The following CTNNA3 variants were observed in gnomAD, a reference collection of about 807,000 sequenced individuals.
CTNNA3 encodes catenin alpha 3, also known as catenin alpha-3.
CTNNA3 carries 76 observed loss-of-function variants against 95.7 expected under a neutral mutation model. That is an observed-to-expected ratio of 0.79 (90% CI 0.66 to 0.96). CTNNA3 has a LOEUF of 0.96. Among genes scored for constraint, CTNNA3 ranks in the 40% least tolerant of loss-of-function variants. The pLI is 0.00. For synonymous variants in CTNNA3, 431 were observed against 374.4 expected, an observed-to-expected ratio of 1.15 and a Z score of -1.74; for missense variants, 1,191 against 1,089.8, an observed-to-expected ratio of 1.09 and a Z score of -1.31.
At chr10:67,561,223 A>G (rs533123510) in intron 3 of CTNNA3, among the ~76,000 whole-genome samples, 1 of 140,732 alleles carries the variant, frequency 7.1e-6, no homozygotes, top group East Asian at 2.2e-4. Flanking sequence ...TACAAAATTG[A>G]CAACATAGTT....
chr10:66,955,430 C>T (rs1253234302), intron 7 of CTNNA3, among the ~76,000 whole-genome samples: 1 of 152,120 alleles, frequency 6.6e-6, no homozygotes, highest in African/African-American at 2.4e-5. Flanking sequence ...AAAATACATT[C>T]CAAATGACAA....
intron 7 of CTNNA3, among the ~76,000 whole-genome samples, chr10:67,119,423 C>A (rs1346024947): frequency 6.6e-6 from 1 of 151,816 alleles, no homozygotes; most frequent in Non-Finnish European, 1.5e-5. Flanking sequence ...CACACAAAAA[C>A]TCATTAATTA....
intron 7 of CTNNA3, among the ~76,000 whole-genome samples, chr10:66,948,211 C>T (rs544745183): frequency 6.6e-6 from 1 of 152,246 alleles, no homozygotes; most frequent in African/African-American, 2.4e-5. Flanking sequence ...TCAAATTATG[C>T]CCACTTGGTG....
At chr10:66,793,538 A>G (rs1418684791) in intron 7 of CTNNA3, among the ~76,000 whole-genome samples, 1 of 152,110 alleles carries the variant, frequency 6.6e-6, no homozygotes, top group East Asian at 1.9e-4. Context: ...TCCAGTATCT[A>G]TTATACACCA....
intron 5 of CTNNA3, among the ~76,000 whole-genome samples, chr10:67,456,601 A>C (rs1847181146): frequency 2.0e-5 from 3 of 152,208 alleles, no homozygotes; most frequent in Admixed American, 2.0e-4. Flanking sequence ...TTTAGGGTTC[A>C]AATGGTAATA....
chr10:66,360,521 A>AT (rs934070383), intron 12 of CTNNA3, among the ~76,000 whole-genome samples: 8 of 152,148 alleles, frequency 5.3e-5, no homozygotes, highest in African/African-American at 1.9e-4. Context: ...ATTATGCTGA[A>AT]TTTTTTGGAC....
intron 11 of CTNNA3, among the ~76,000 whole-genome samples, chr10:66,443,422 G>A (rs1204255452): frequency 1.3e-5 from 2 of 152,076 alleles, no homozygotes; most frequent in South Asian, 2.1e-4. Context: ...GGGGCAGACT[G>A]ACACCTCACA....
chr10:67,229,539 C>T (rs1339671895), intron 5 of CTNNA3, among the ~76,000 whole-genome samples: 1 of 152,190 alleles, frequency 6.6e-6, no homozygotes, highest in Admixed American at 6.5e-5. Flanking sequence ...TCACTATTTA[C>T]TGATGATATG....
At chr10:66,147,607 AGTT>A (rs1441600047) in intron 13 of CTNNA3, among the ~76,000 whole-genome samples, 6 of 96,144 alleles carry the variant, frequency 6.2e-5, no homozygotes, top group African/African-American at 2.1e-4. Flanking sequence ...GGTTGCTTTC[AGTT>A]TTTTTTTTTT....
chr10:66,681,130 A>G (rs1198195362), intron 9 of CTNNA3, among the ~76,000 whole-genome samples: 2 of 152,314 alleles, frequency 1.3e-5, no homozygotes, highest in East Asian at 1.9e-4. Flanking sequence ...TGACTGATGT[A>G]TCGGATGTGA....
At chr10:66,763,345 G>C (rs1445862164) in intron 9 of CTNNA3, among the ~76,000 whole-genome samples, 47 of 149,356 alleles carry the variant, frequency 3.1e-4, no homozygotes, top group Non-Finnish European at 5.4e-4. Context: ...CACACACAGA[G>C]AGAGAGAGGG....
rs150766891 is a variant in CTNNA3 at position 66,564,813 on chromosome 10, G to A, written c.1375-44040C>T. ...GGCAATTTATGGATGCTAATTATTC[G>A]ACGTTTACAATAAATTAGTGGGGGA... On this transcript the variant is annotated intron_variant, in intron 10 of 17. Coordinates refer to ENST00000433211, the MANE Select transcript of CTNNA3 (RefSeq NM_013266.4). Among the ~76,000 whole-genome samples the A allele has an allele frequency of 4.6e-4, 70 of 152,210 alleles. 1 individual carries two copies. Among genetic ancestry groups the A allele is most frequent in the East Asian group, 2.1e-3 (11 of 5,170 alleles).
chr10:66,406,811 A>AT (rs1280501005), intron 11 of CTNNA3, among the ~76,000 whole-genome samples: 1 of 152,166 alleles, frequency 6.6e-6, no homozygotes, highest in Non-Finnish European at 1.5e-5. Flanking sequence ...TAATTATGTC[A>AT]TTATAAGAAT....
intron 13 of CTNNA3, among the ~76,000 whole-genome samples, chr10:66,262,081 C>A (rs1285923446): frequency 6.6e-6 from 1 of 152,014 alleles, no homozygotes; most frequent in African/African-American, 2.4e-5. Flanking sequence ...ATTATGGTTA[C>A]TTGATTGTGA....
intron 7 of CTNNA3, among the ~76,000 whole-genome samples, chr10:66,898,087 T>A (rs921831654): frequency 6.6e-6 from 1 of 152,186 alleles, no homozygotes; most frequent in Non-Finnish European, 1.5e-5. Context: ...TGAGATAAAC[T>A]GAACATCATA....
chr10:67,632,321 A>AAAC (rs1564796078), intron 2 of CTNNA3, among the ~76,000 whole-genome samples: 15 of 151,658 alleles, frequency 9.9e-5, no homozygotes, highest in African/African-American at 3.6e-4. Flanking sequence ...TTAAAAAAAA[A>AAAC]AAACACTCCT....
At chr10:66,576,472 GCCC>G (rs1044171803) in intron 10 of CTNNA3, among the ~76,000 whole-genome samples, 1 of 151,604 alleles carries the variant, frequency 6.6e-6, no homozygotes, top group Non-Finnish European at 1.5e-5. Context: ...TCCAATCCAT[GCCC>G]CCCCACCACC....
intron 7 of CTNNA3, among the ~76,000 whole-genome samples, chr10:66,809,486 A>G (rs975935494): frequency 1.3e-5 from 2 of 152,162 alleles, no homozygotes; most frequent in Admixed American, 1.3e-4. Context: ...CTCACAAAAT[A>G]TTCATTTTTG....
At chr10:66,720,078 C>T (rs895431087) in intron 9 of CTNNA3, among the ~76,000 whole-genome samples, 5 of 152,200 alleles carry the variant, frequency 3.3e-5, no homozygotes, top group Admixed American at 6.5e-5. Flanking sequence ...AATACCCTAT[C>T]CCATGCACTC....
Sources: gnomAD v4.1 joint callset for allele counts (sites outside exome capture counted in the v4.1 genomes callset) on GRCh38, gnomAD v4.1.1 for gene constraint, MANE v1.5 for transcripts, NCBI Gene and HGNC (gene_info 2026-07-23, HGNC 2026-07-21) for gene names.